DLGAP1: variants seen among roughly 807,000 people sequenced by gnomAD.
The protein encoded by DLGAP1 is DLG associated protein 1, also known as disks large-associated protein 1.
In DLGAP1, 11 loss-of-function variants were observed where a neutral mutation model predicts 90.8. The observed-to-expected ratio is 0.12, with a 90% CI of 0.08 to 0.20. DLGAP1 has a LOEUF of 0.20. DLGAP1 is among the 10% of genes least tolerant of loss of function. DLGAP1 has a pLI of 1.00. For missense variants in DLGAP1, 1,050 were observed against 1,333.8 expected (o/e 0.79, Z 3.31); for synonymous variants, 558 against 540.7 (o/e 1.03, Z -0.44).
At chr18:3,758,811 C>T (rs1479441848) in intron 5 of DLGAP1, among the ~76,000 whole-genome samples, 1 of 152,188 alleles carries the variant, frequency 6.6e-6, no homozygotes, top group East Asian at 1.9e-4. Context: ...CGACTTTCTT[C>T]CTTTGTTCCA....
At chr18:4,430,832 G>C (rs1408615311) in intron 1 of DLGAP1, 1 of 152,348 alleles carries the variant, frequency 6.6e-6, no homozygotes, top group Non-Finnish European at 1.5e-5. Flanking sequence ...CTAAAGAAGA[G>C]AAACAACCAA....
At chr18:3,558,083 GTGT>G (rs1265845117) in intron 9 of DLGAP1, among the ~76,000 whole-genome samples, 1 of 152,212 alleles carries the variant, frequency 6.6e-6, no homozygotes, top group Admixed American at 6.5e-5. Context: ...CTGTTCAGTA[GTGT>G]TGTTGCATTC....
chr18:3,845,197 T>C (rs2068939844), intron 4 of DLGAP1: 7 of 1,607,690 alleles, frequency 4.4e-6, no homozygotes, highest in African/African-American at 1.3e-5. Flanking sequence ...ACGATTTATT[T>C]TCCTTTCCAT....
chr18:4,451,249 C>T (rs1023767554), intron 1 of DLGAP1, among the ~76,000 whole-genome samples: 1 of 152,146 alleles, frequency 6.6e-6, no homozygotes, highest in African/African-American at 2.4e-5. Context: ...AACAGAAGAC[C>T]TCAAAGGGAT....
chr18:4,244,851 G>T (rs1485431035), intron 1 of DLGAP1, among the ~76,000 whole-genome samples: 1 of 152,192 alleles, frequency 6.6e-6, no homozygotes, highest in Non-Finnish European at 1.5e-5. Context: ...ATCATCCAGT[G>T]TAACGAAATG....
intron 2 of DLGAP1, among the ~76,000 whole-genome samples, chr18:4,105,922 C>G (rs564579821): frequency 3.6e-4 from 55 of 150,948 alleles, no homozygotes; most frequent in Non-Finnish European, 6.6e-4. Flanking sequence ...GTCCCAGCTA[C>G]TCGGGAGGCC....
intron 1 of DLGAP1, among the ~76,000 whole-genome samples, chr18:4,381,273 AATAG>A (rs1158125713): frequency 1.3e-5 from 2 of 152,180 alleles, no homozygotes; most frequent in South Asian, 2.1e-4. Flanking sequence ...TACATAGACA[AATAG>A]ATAGACATAA....
rs191938127 is a variant in DLGAP1 at position 3,723,561 on chromosome 18, T to C, written c.1591+5574A>G. On this transcript the variant is annotated intron_variant, in intron 7 of 12. Coordinates refer to ENST00000315677, the MANE Select transcript of DLGAP1 (RefSeq NM_004746.4). ...CATTCTGCTTAGGGTTTAGGGTTTG[T>C]GTGGGGGGGGAGTGGGGAGCAAGGT... Among the ~76,000 whole-genome samples, 70 of 151,134 alleles carry C rather than the reference T, an allele frequency of 4.6e-4. 1 individual carries two copies. Among genetic ancestry groups the C allele is most frequent in the African/African-American group, 1.6e-3 (64 of 40,822 alleles).
intron 7 of DLGAP1, among the ~76,000 whole-genome samples, chr18:3,622,275 T>C (rs960044536): frequency 2.6e-5 from 4 of 151,996 alleles, no homozygotes; most frequent in African/African-American, 9.7e-5. Context: ...CGGCTAATTT[T>C]TTGTATTTTT....
At chr18:4,266,389 A>C (rs2079132562) in intron 1 of DLGAP1, among the ~76,000 whole-genome samples, 2 of 152,194 alleles carry the variant, frequency 1.3e-5, no homozygotes, top group African/African-American at 4.8e-5. Flanking sequence ...CTATAATGGC[A>C]ATTTGGGCAT....
intron 4 of DLGAP1, among the ~76,000 whole-genome samples, chr18:3,830,872 G>C (rs2148554461): frequency 6.6e-6 from 1 of 152,308 alleles, no homozygotes; most frequent in Middle Eastern, 3.4e-3. Context: ...TCTAAGCAGA[G>C]TATAAAAGAA....
intron 8 of DLGAP1, among the ~76,000 whole-genome samples, chr18:3,569,763 T>G (rs2054657197): frequency 6.6e-6 from 1 of 152,020 alleles, no homozygotes; most frequent in African/African-American, 2.4e-5. Context: ...CCTTTTTTAT[T>G]TGAGATGCCA....
At chr18:4,111,296 C>T (rs2075968241) in intron 2 of DLGAP1, among the ~76,000 whole-genome samples, 1 of 151,960 alleles carries the variant, frequency 6.6e-6, no homozygotes, top group African/African-American at 2.4e-5. Context: ...TTCTATGTTG[C>T]TTGATTCAGT....
At chr18:4,372,509 C>G (rs991483576) in intron 1 of DLGAP1, among the ~76,000 whole-genome samples, 1 of 152,168 alleles carries the variant, frequency 6.6e-6, no homozygotes, top group African/African-American at 2.4e-5. Flanking sequence ...TGTCACTACT[C>G]CTGACTGGAA....
At chr18:4,110,906 C>T (rs2075960705) in intron 2 of DLGAP1, among the ~76,000 whole-genome samples, 1 of 152,214 alleles carries the variant, frequency 6.6e-6, no homozygotes, top group Non-Finnish European at 1.5e-5. Context: ...CACTGGCCAA[C>T]AGCACCATGC....
At chr18:3,700,775 A>T (rs1323219854) in intron 7 of DLGAP1, among the ~76,000 whole-genome samples, 1 of 151,560 alleles carries the variant, frequency 6.6e-6, no homozygotes, top group Non-Finnish European at 1.5e-5. Context: ...ACGCCCGGCT[A>T]ATTTTTTGTA....
intron 1 of DLGAP1, among the ~76,000 whole-genome samples, chr18:4,180,526 G>A (rs7237784): frequency 0.38 from 58,060 of 151,976 alleles, 11,453 homozygotes; most frequent in East Asian, 0.7. Flanking sequence ...AGGTGGCACC[G>A]ATGGGAGAAT....
At chr18:4,265,132 T>TTCCTTCCTTCC (rs374042304) in intron 1 of DLGAP1, among the ~76,000 whole-genome samples, 2 of 145,510 alleles carry the variant, frequency 1.4e-5, no homozygotes, top group African/African-American at 5.1e-5. Context: ...CCTTCCTTCC[T>TTCCTTCCTTCC]TTCCTCCCTC....
At chr18:3,832,676 T>C (rs1322882747) in intron 4 of DLGAP1, among the ~76,000 whole-genome samples, 1 of 152,126 alleles carries the variant, frequency 6.6e-6, no homozygotes, top group Non-Finnish European at 1.5e-5. Flanking sequence ...TTCTTTTTTT[T>C]TTTTTCCCAG....
Sources: allele counts gnomAD v4.1 joint callset (sites outside exome capture counted in the v4.1 genomes callset), GRCh38; gene constraint gnomAD v4.1.1; transcripts MANE v1.5; gene names NCBI Gene and HGNC (gene_info 2026-07-23, HGNC 2026-07-21).